Variants in PPP2R2C observed in about 807,000 individuals in gnomAD.
PPP2R2C encodes the protein protein phosphatase 2, regulatory subunit B, gamma.
PPP2R2C carries 10 observed loss-of-function variants against 45.3 expected under a neutral mutation model. The observed-to-expected ratio is 0.22, with a 90% confidence interval of 0.14 to 0.37. The LOEUF (loss-of-function observed/expected upper bound fraction) is 0.37. PPP2R2C is among the 10% of genes least tolerant of loss of function. The probability of loss-of-function intolerance (pLI) is 1.00; values close to 1 mark genes in which losing one functional copy is unlikely to be tolerated. For missense variants in PPP2R2C, 308 were observed against 619.7 expected (o/e 0.50, Z 5.34); for synonymous variants, 257 against 245.4 (o/e 1.05, Z -0.44).
intron 2 of PPP2R2C, among the ~76,000 whole-genome samples, chr4:6,491,165 C>G (rs1722688829): frequency 6.6e-6 from 1 of 152,172 alleles, no homozygotes; most frequent in African/African-American, 2.4e-5. Flanking sequence ...GTGTTGTGTA[C>G]CCTAGTGCCT....
At chr4:6,432,521 C>T (rs1377603790) in intron 1 of PPP2R2C, among the ~76,000 whole-genome samples, 1 of 152,244 alleles carries the variant, frequency 6.6e-6, no homozygotes, top group East Asian at 1.9e-4. Context: ...ACCAGCTTCA[C>T]TGTCATCTCC....
At chr4:6,553,569 G>C (rs1725257136) in intron 1 of PPP2R2C, among the ~76,000 whole-genome samples, 1 of 152,158 alleles carries the variant, frequency 6.6e-6, no homozygotes, top group Admixed American at 6.5e-5. Context: ...GTGGCCAGGA[G>C]AGATGAGGGC....
intron 1 of PPP2R2C, among the ~76,000 whole-genome samples, chr4:6,395,045 C>A (rs912756259): frequency 6.6e-6 from 1 of 152,144 alleles, no homozygotes; most frequent in Non-Finnish European, 1.5e-5. Flanking sequence ...ACCTCTCACC[C>A]GCGAGCCTGC....
rs552019013 is a variant in PPP2R2C, at chr4:6,332,393, C to T, written c.960+1169G>A. Among the ~76,000 whole-genome samples the T allele has an allele frequency of 1.3e-5, 2 of 152,136 alleles. No homozygotes were observed. Among genetic ancestry groups the T allele is most frequent in the Non-Finnish European group, 1.5e-5 (1 of 68,016 alleles). ...CCTGAGGGAGGAGCTGGGGCAGTCG[C>T]AAGAACTCAAGTAAACACACGTGGC... On this transcript the variant is annotated intron_variant, in intron 7 of 8. Transcript: ENST00000382599. The surrounding 1 kb of genome is among the most constrained non-coding windows in gnomAD (Gnocchi z 4.9).
chr4:6,360,398 A>C (rs1403474108), intron 5 of PPP2R2C, among the ~76,000 whole-genome samples: 1 of 152,212 alleles, frequency 6.6e-6, no homozygotes, highest in African/African-American at 2.4e-5. Flanking sequence ...GGTGCAGAGC[A>C]GGGATCCATG....
rs369602748 is a variant in PPP2R2C, at chr4:6,329,558, C to T, written c.961-205G>A. Reference sequence around the variant, plus strand: ...ATCGGGAGGCCCATGACCAGGCACACGGCTGACCCCGACCGTGACACAGCC... The same window carrying T: ...ATCGGGAGGCCCATGACCAGGCACATGGCTGACCCCGACCGTGACACAGCC... On this transcript the variant is annotated intron_variant, in intron 7 of 8. Transcript: ENST00000382599. The surrounding 1 kb of genome is among the most constrained non-coding windows in gnomAD (Gnocchi z 5.8). Among the ~76,000 whole-genome samples the T allele has an allele frequency of 1.3e-5, 2 of 151,876 alleles. No homozygotes were observed. The highest frequency in any genetic ancestry group is 4.8e-5 in the African/African-American group (2 of 41,254).
At chr4:6,480,330 G>A (rs987240255) in intron 2 of PPP2R2C, among the ~76,000 whole-genome samples, 1 of 152,066 alleles carries the variant, frequency 6.6e-6, no homozygotes, top group African/African-American at 2.4e-5. Flanking sequence ...ACAATCAATG[G>A]TGTGCCGGAG....
At chr4:6,517,628 A>G (rs529095454) in intron 2 of PPP2R2C, among the ~76,000 whole-genome samples, 1 of 152,350 alleles carries the variant, frequency 6.6e-6, no homozygotes, top group Admixed American at 6.5e-5. Context: ...AAAAGACAGA[A>G]GAAATTACCC....
At chr4:6,462,017 G>C (rs1216217608) in intron 1 of PPP2R2C, among the ~76,000 whole-genome samples, 1 of 152,218 alleles carries the variant, frequency 6.6e-6, no homozygotes, top group African/African-American at 2.4e-5. Flanking sequence ...CTCAGATGTG[G>C]TCACCCAGGC....
At chr4:6,495,005 T>C (rs1337177280) in intron 2 of PPP2R2C, among the ~76,000 whole-genome samples, 2 of 151,916 alleles carry the variant, frequency 1.3e-5, no homozygotes, top group Non-Finnish European at 2.9e-5. Context: ...CGCAGCGAGG[T>C]TGCTGGAGGA....
rs556007117 is a variant in PPP2R2C at position 6,461,771 on chromosome 4, C to T, written c.70+10389G>A. 1.2e-4 allele frequency among the ~76,000 whole-genome samples: 19 copies of T among 152,364 alleles called. No individual in the cohort carries two copies. The East Asian group carries it at 3.7e-3, about 29-fold the overall frequency. On this transcript the variant is annotated intron_variant, in intron 1 of 8. Transcript: ENST00000382599. ...CCAGACTTCCCAAGAGAACATCCCTCTTCCCTCAGAAAGTGCTGGTCCTGC... is the reference window on the plus strand; with the variant it reads ...CCAGACTTCCCAAGAGAACATCCCTTTTCCCTCAGAAAGTGCTGGTCCTGC...
chr4:6,449,628 T>C (rs1380811334), intron 1 of PPP2R2C, among the ~76,000 whole-genome samples: 1 of 152,076 alleles, frequency 6.6e-6, no homozygotes, highest in African/African-American at 2.4e-5. Context: ...GAGAAAGCAA[T>C]ATATTCAGCA....
upstream of PPP2R2C, among the ~76,000 whole-genome samples, chr4:6,473,048 G>A (rs1047947398): frequency 6.6e-6 from 1 of 152,112 alleles, no homozygotes; most frequent in African/African-American, 2.4e-5. Flanking sequence ...AGTAGAAGAG[G>A]GTGGGTCGCG....
chr4:6,511,158 A>T (rs1723438103), intron 2 of PPP2R2C, among the ~76,000 whole-genome samples: 1 of 152,144 alleles, frequency 6.6e-6, no homozygotes, highest in Admixed American at 6.5e-5. Context: ...CGGTTTAGTG[A>T]GTGTTACATG....
chr4:6,551,613 C>T (rs1285275274), intron 1 of PPP2R2C, among the ~76,000 whole-genome samples: 4 of 152,210 alleles, frequency 2.6e-5, no homozygotes, highest in East Asian at 1.9e-4. Flanking sequence ...CCATCTTGTT[C>T]CCTGGACATT....
chr4:6,541,207 T>C lies in PPP2R2C; in HGVS notation c.-58-5830A>G, dbSNP rs529785024. On this transcript the variant is annotated intron_variant, in intron 1 of 9. Transcript: ENST00000506140. ...CTCTGCTGAATTACAGACCTGGGAA[T>C]ATGAATTTCAGCTGGACACACAGCC... is the stretch of plus-strand genomic sequence containing the variant. Among the ~76,000 whole-genome samples, 16 of 152,260 alleles carry C rather than the reference T, an allele frequency of 1.1e-4. 1 individual carries two copies. The East Asian group carries it at 3.1e-3, about 29-fold the overall frequency.
intron 1 of PPP2R2C, among the ~76,000 whole-genome samples, chr4:6,427,868 G>A (rs897259394): frequency 6.6e-6 from 1 of 152,172 alleles, no homozygotes; most frequent in Non-Finnish European, 1.5e-5. Flanking sequence ...CACAGCCACC[G>A]GGCACAGGCA....
chr4:6,470,571 G>A (rs992840579), intron 1 of PPP2R2C, among the ~76,000 whole-genome samples: 4 of 152,192 alleles, frequency 2.6e-5, no homozygotes, highest in African/African-American at 9.7e-5. Context: ...GGGAGCAGCG[G>A]GGCAACCTGC....
At chr4:6,354,088 T>A (rs1011401841) in intron 5 of PPP2R2C, among the ~76,000 whole-genome samples, 1 of 150,360 alleles carries the variant, frequency 6.7e-6, no homozygotes, top group South Asian at 2.1e-4. Context: ...GGTTCCTCCA[T>A]CTGAACCCCT....
Sources: gnomAD v4.1 joint callset for allele counts (sites outside exome capture counted in the v4.1 genomes callset) on GRCh38, gnomAD v4.1.1 for gene constraint, Gnocchi (gnomAD v3.1) non-coding constraint, MANE v1.5 for transcripts, NCBI Gene and HGNC (gene_info 2026-07-23, HGNC 2026-07-21) for gene names.